Variants in RIMS1 observed in about 807,000 individuals in gnomAD.
The protein encoded by RIMS1 is regulating synaptic membrane exocytosis protein 1.
In RIMS1, 83 loss-of-function variants were observed where a neutral mutation model predicts 214.1. That is an observed-to-expected ratio of 0.39 (90% confidence interval 0.32 to 0.47). RIMS1 has a LOEUF of 0.47. Ranked by LOEUF, RIMS1 falls within the 20% of genes least tolerant of loss-of-function variation. The pLI, the probability that RIMS1 is intolerant of heterozygous loss-of-function variation, is 0.99. For missense variants in RIMS1, 2,050 were observed against 2,161.8 expected (o/e 0.95, Z 1.03); for synonymous variants, 793 against 786.8 (o/e 1.01, Z -0.13).
rs9446565 is a variant in RIMS1, at chr6:72,097,478, C to G, written c.459+316C>G. ...TTTAATATTATCATAAATTATAAAA[C>G]TCTTGAAAGTTATGACCAATTCTTT... On this transcript the variant is annotated intron_variant, in intron 3 of 33. Transcript: ENST00000521978. Among the ~76,000 whole-genome samples, 1,106 of 152,232 alleles carry G rather than the reference C, an allele frequency of 7.3e-3. 15 individuals carry two copies. The highest frequency in any genetic ancestry group is 0.026 in the African/African-American group (1,071 of 41,538).
Position 72,137,442 on chromosome 6 carries a change from T to A in RIMS1, c.471+37456T>A, listed in dbSNP as rs1207894047. 2.0e-5 allele frequency among the ~76,000 whole-genome samples: 3 copies of A among 151,912 alleles called. No homozygotes were observed. In the East Asian group the frequency reaches 5.8e-4, roughly 29 times the overall value. Reference sequence around the variant, plus strand: ...AATTTAATTATTTGTATTTCTTTGATTTGTTAAGCTTATGCATTATTTCAT... The same window carrying A: ...AATTTAATTATTTGTATTTCTTTGAATTGTTAAGCTTATGCATTATTTCAT... On this transcript the variant is annotated intron_variant, in intron 4 of 33. Transcript: ENST00000521978.
At chr6:72,332,356 G>A (rs1306848599) in intron 28 of RIMS1, among the ~76,000 whole-genome samples, 1 of 151,604 alleles carries the variant, frequency 6.6e-6, no homozygotes, top group Non-Finnish European at 1.5e-5. Context: ...TGGTCTAGAT[G>A]GATAATAAAG....
At chr6:72,188,898 A>G (rs2049582946) in intron 6 of RIMS1, among the ~76,000 whole-genome samples, 1 of 152,204 alleles carries the variant, frequency 6.6e-6, no homozygotes, top group African/African-American at 2.4e-5. Flanking sequence ...CATTCACCCA[A>G]GCCAACACTG....
At chr6:72,156,334 G>A (rs2044438029) in intron 4 of RIMS1, among the ~76,000 whole-genome samples, 1 of 140,536 alleles carries the variant, frequency 7.1e-6, no homozygotes, top group East Asian at 2.0e-4. Context: ...TGAACCTGGA[G>A]GATATCATGT....
At chr6:71,973,935 G>T (rs1219969052) in intron 2 of RIMS1, among the ~76,000 whole-genome samples, 5 of 152,146 alleles carry the variant, frequency 3.3e-5, no homozygotes, top group African/African-American at 1.2e-4. Flanking sequence ...TAATTGGTCA[G>T]TGTAGATAGA....
chr6:72,240,659 A>T, intron 9 of RIMS1, among the ~76,000 whole-genome samples: 1 of 135,892 alleles, frequency 7.4e-6, no homozygotes, highest in African/African-American at 2.7e-5. Flanking sequence ...TTTTACAGTG[A>T]AGTATATTCA....
intron 24 of RIMS1, 25 bp from the exon 25 acceptor site, chr6:72,290,654 A>G: frequency 6.2e-7 from 1 of 1,602,996 alleles, no homozygotes. Flanking sequence ...CTGACTGAAG[A>G]TCTTTTTTGG....
chr6:72,018,561 G>C (rs894929671), intron 2 of RIMS1, among the ~76,000 whole-genome samples: 3 of 152,280 alleles, frequency 2.0e-5, no homozygotes, highest in South Asian at 2.1e-4. Flanking sequence ...AATATACTGA[G>C]AGTTATCAGG....
intron 29 of RIMS1, among the ~76,000 whole-genome samples, chr6:72,335,364 A>G (rs571666973): frequency 1.3e-5 from 2 of 152,138 alleles, no homozygotes; most frequent in Non-Finnish European, 2.9e-5. Context: ...TTTGCTGAGA[A>G]TGGTGGTTTC....
chr6:72,076,490 C>T (rs1477588415), intron 2 of RIMS1, among the ~76,000 whole-genome samples: 2 of 152,182 alleles, frequency 1.3e-5, no homozygotes, highest in Middle Eastern at 6.3e-3. Context: ...GCCTCATCTC[C>T]ACCTAATTAC....
chr6:72,145,417 A>G (rs1283905275), intron 4 of RIMS1, among the ~76,000 whole-genome samples: 1 of 152,030 alleles, frequency 6.6e-6, no homozygotes. Context: ...GATCAAGTCC[A>G]CCTGGTCAAC....
intron 2 of RIMS1, among the ~76,000 whole-genome samples, chr6:72,030,977 C>T (rs938389314): frequency 1.3e-5 from 2 of 152,110 alleles, no homozygotes; most frequent in Non-Finnish European, 2.9e-5. Context: ...ATTTGTCTAC[C>T]ATCCCTTTCT....
chr6:72,252,321 AT>A (rs1487349771), intron 15 of RIMS1, among the ~76,000 whole-genome samples: 4 of 152,154 alleles, frequency 2.6e-5, no homozygotes, highest in Non-Finnish European at 4.4e-5. Flanking sequence ...TAAATATTTT[AT>A]AAAGGGCCCT....
rs2098720348 is a variant in RIMS1, at chr6:72,392,785, C to A, written c.4593C>A (p.Arg1531=). 6.2e-7 allele frequency: 1 copy of A among 1,612,990 alleles called. No homozygotes were observed. Among genetic ancestry groups the A allele is most frequent in the Non-Finnish European group, 8.5e-7 (1 of 1,179,584 alleles). Residue 1531 remains arginine (R), a synonymous_variant, in exon 31 of 34, where the codon CGC becomes CGA. Coordinates refer to ENST00000521978, the MANE Select transcript of RIMS1 (RefSeq NM_014989.7). ...DGLGPAQLVG[R]QTLATPAMGD... ...TGGGACCAGCCCAGCTTGTTGGCCG[C>A]CAAACCCTTGCCACCCCTGCAATGG...
intron 5 of RIMS1, among the ~76,000 whole-genome samples, 186 bp from the exon 6 acceptor site, chr6:72,182,098 T>C (rs1398434535): frequency 6.6e-6 from 1 of 152,226 alleles, no homozygotes; most frequent in Non-Finnish European, 1.5e-5. Context: ...TAATAATTAA[T>C]ATGTGTTCCC....
chr6:72,331,447 G>A lies in RIMS1; in HGVS notation c.4131-2153G>A, dbSNP rs145500777. 1.3e-3 allele frequency among the ~76,000 whole-genome samples: 205 copies of A among 151,924 alleles called. 1 individual carries two copies. Among genetic ancestry groups the A allele is most frequent in the African/African-American group, 4.6e-3 (193 of 41,512 alleles). On this transcript the variant is annotated intron_variant, in intron 28 of 33. Coordinates refer to ENST00000521978, the MANE Select transcript of RIMS1 (RefSeq NM_014989.7). ...AGAAACCACTGCTTTCTCTGTTGTAGGCATTCGATTGAGCATGGACATTGT... is the reference window on the plus strand; with the variant it reads ...AGAAACCACTGCTTTCTCTGTTGTAAGCATTCGATTGAGCATGGACATTGT...
chr6:72,322,578 C>T (rs2096232114), intron 28 of RIMS1, among the ~76,000 whole-genome samples: 2 of 151,928 alleles, frequency 1.3e-5, no homozygotes, highest in African/African-American at 2.4e-5. Context: ...TGAACAAGAA[C>T]AAATAATGAA....
chr6:72,178,853 A>G (rs2048077625), intron 4 of RIMS1, among the ~76,000 whole-genome samples: 1 of 152,228 alleles, frequency 6.6e-6, no homozygotes, highest in Non-Finnish European at 1.5e-5. Context: ...ATCAGTGGAT[A>G]TGTTGCTAAA....
At chr6:71,945,746 G>A (rs1454317861) in intron 1 of RIMS1, among the ~76,000 whole-genome samples, 1 of 107,580 alleles carries the variant, frequency 9.3e-6, no homozygotes, top group East Asian at 3.5e-4. Flanking sequence ...TGCAGATGAT[G>A]TAATCTTTTT....
Sources: gnomAD v4.1 joint callset for allele counts (sites outside exome capture counted in the v4.1 genomes callset) on GRCh38, gnomAD v4.1.1 for gene constraint, MANE v1.5 for transcripts, NCBI Gene and HGNC (gene_info 2026-07-23, HGNC 2026-07-21) for gene names.